AAK1: variants seen among roughly 807,000 people sequenced by gnomAD.
The protein encoded by AAK1 is AP2-associated protein kinase 1.
Under a neutral mutation model 116.0 loss-of-function variants are expected in AAK1, and 37 were observed. The ratio of observed to expected loss-of-function variants is 0.32; its 90% confidence interval spans 0.25 to 0.42. The LOEUF is 0.42. Ranked by LOEUF, AAK1 falls within the 10% of genes least tolerant of loss-of-function variation. The pLI is 1.00. For missense variants in AAK1, 919 were observed against 1,170.6 expected (o/e 0.79, Z 3.14); for synonymous variants, 458 against 439.9 (o/e 1.04, Z -0.51).
chr2:69,472,334 G>A lies in AAK1; in HGVS notation c.*3535C>T, dbSNP rs538641413. 59 of 263,818 alleles carry A rather than the reference G, an allele frequency of 2.2e-4. No homozygotes were observed. Among genetic ancestry groups the A allele is most frequent in the African/African-American group, 1.3e-3 (56 of 43,622 alleles). 16.3% of individuals were successfully genotyped at this position (263,818 alleles called of 1,614,324 possible). ...AGACAAAGAAAGAATATACTTCCAG[G>A]TGCTTTCTCAAAGTGATACTAATTA... On this transcript the variant is annotated 3_prime_UTR_variant, in exon 22 of 22. Coordinates refer to ENST00000409085, the MANE Select transcript of AAK1 (RefSeq NM_014911.5).
chr2:69,541,720 T>C (rs1212548019), intron 5 of AAK1, among the ~76,000 whole-genome samples: 1 of 152,132 alleles, frequency 6.6e-6, no homozygotes, highest in African/African-American at 2.4e-5. Flanking sequence ...ACTACCAAAA[T>C]TTTGGCCCAA....
At chr2:69,548,149 T>G (rs1671005570) in intron 3 of AAK1, among the ~76,000 whole-genome samples, 1 of 152,160 alleles carries the variant, frequency 6.6e-6, no homozygotes, top group African/African-American at 2.4e-5. Flanking sequence ...GAAAAAAGTG[T>G]TCTAAAATTA....
chr2:69,564,845 C>A (rs1671796884), intron 2 of AAK1, among the ~76,000 whole-genome samples: 1 of 152,146 alleles, frequency 6.6e-6, no homozygotes, highest in African/African-American at 2.4e-5. Flanking sequence ...ATCCTCCCCA[C>A]CCCCACTCCT....
At chr2:69,560,555 A>G (rs1671591668) in intron 2 of AAK1, among the ~76,000 whole-genome samples, 1 of 148,504 alleles carries the variant, frequency 6.7e-6, no homozygotes, top group Non-Finnish European at 1.5e-5. Context: ...TCATAAAGAT[A>G]AAAAGGATAT....
chr2:69,506,118 G>A (rs1181470739), intron 15 of AAK1, among the ~76,000 whole-genome samples: 1 of 152,198 alleles, frequency 6.6e-6, no homozygotes, highest in African/African-American at 2.4e-5. Flanking sequence ...GAGACGTTAT[G>A]AGGGACAAGC....
chr2:69,545,160 T>C (rs971344076), intron 3 of AAK1, among the ~76,000 whole-genome samples: 4 of 152,306 alleles, frequency 2.6e-5, no homozygotes, highest in Middle Eastern at 3.4e-3. Context: ...AGCTCTTCAG[T>C]TGGAACTGCA....
At position 69,475,524 on chromosome 2, in the gene AAK1, G is replaced by T; in HGVS notation, c.*345C>A. 1 of 1,051,732 alleles carries T rather than the reference G, an allele frequency of 9.5e-7. No individual in the cohort carries two copies. Among genetic ancestry groups the T allele is most frequent in the Non-Finnish European group, 1.1e-6 (1 of 871,100 alleles). The allele number at this position is 1,051,732 out of a possible 1,614,324, so 65.1% of individuals were successfully genotyped here. A position where few individuals can be genotyped will look rare whatever the true frequency, so the allele number is the denominator to read the frequency against. On this transcript the variant is annotated 3_prime_UTR_variant, in exon 22 of 22. Transcript: ENST00000409085. The stretch of plus-strand genomic sequence containing the variant: ...TTCCTAGCAAGAACGAGACAAAAGT[G>T]TCAATTCACTAGTTTCAGTTACAGT...
chr2:69,527,281 T>C lies in AAK1; in HGVS notation c.910A>G (p.Ile304Val), dbSNP rs1670065952. The change falls in exon 9 of 22, where the codon ATT (isoleucine) becomes GTT (valine). Residue 304 changes from isoleucine to valine, a missense_variant. By Grantham distance (29) the Ile-to-Val change is conservative. Transcript: ENST00000409085. ...AATGAGAAGTAGGACACCTGGTAAATATCCGGCCTTTTGTCAGGGTCTGGT... is the reference window on the plus strand; with the variant it reads ...AATGAGAAGTAGGACACCTGGTAAACATCCGGCCTTTTGTCAGGGTCTGGT... ...LEPDPDKRPD[I>V]YQVSYFSFKL... is the part of the protein sequence containing the mutation. 2.5e-6 allele frequency: 4 copies of C among 1,609,544 alleles called. No individual in the cohort carries two copies. The East Asian group carries it at 6.7e-5, about 27-fold the overall frequency.
intron 2 of AAK1, among the ~76,000 whole-genome samples, chr2:69,621,461 G>A (rs62136611): frequency 0.024 from 3,684 of 151,350 alleles, 78 homozygotes; most frequent in Non-Finnish European, 0.039. Context: ...CAGCCTGGGC[G>A]ACAGAGCAAA....
intron 2 of AAK1, among the ~76,000 whole-genome samples, chr2:69,619,847 T>C (rs1674511164): frequency 6.6e-6 from 1 of 152,126 alleles, no homozygotes; most frequent in African/African-American, 2.4e-5. Context: ...GAAGCCAGTA[T>C]GGATAGAGAG....
chr2:69,467,047 G>C lies in AAK1; in HGVS notation c.*8822C>G. The C allele has an allele frequency of 1.0e-6, 1 of 985,420 alleles. No homozygotes were observed. The highest frequency in any genetic ancestry group is 1.2e-6 in the Non-Finnish European group (1 of 829,926). The allele number at this position is 985,420 out of a possible 1,614,324, so 61.0% of individuals were successfully genotyped here. A position where few individuals can be genotyped will look rare whatever the true frequency, so the allele number is the denominator to read the frequency against. ...GAAAAGAAGCAGAATGTGGCTGCTT[G>C]ATAAATGCAAGTTTACTTGATGACT... On this transcript the variant is annotated 3_prime_UTR_variant, in exon 22 of 22. Coordinates refer to ENST00000409085, the MANE Select transcript of AAK1 (RefSeq NM_014911.5).
chr2:69,518,513 G>A (rs1178907584), intron 12 of AAK1, among the ~76,000 whole-genome samples: 1 of 151,454 alleles, frequency 6.6e-6, no homozygotes, highest in African/African-American at 2.4e-5. Flanking sequence ...CTGCCTCCTG[G>A]GTTCAAGCGA....
At chr2:69,625,412 C>T (rs1157955394) in intron 2 of AAK1, among the ~76,000 whole-genome samples, 2 of 152,154 alleles carry the variant, frequency 1.3e-5, no homozygotes, top group African/African-American at 2.4e-5. Context: ...CTGTCTCATC[C>T]GTATCAAGCA....
rs915092122 is a variant in AAK1 at position 69,584,000 on chromosome 2, A to G, written c.164-27022T>C. The stretch of plus-strand genomic sequence containing the variant: ...TTCTGATAGCCAGCTTCACCTGACC[A>G]CCCTTCCCTAATAAGGAACCTCTTT... On this transcript the variant is annotated intron_variant, in intron 2 of 21. Transcript: ENST00000409085. Among the ~76,000 whole-genome samples the G allele has an allele frequency of 4.6e-5, 7 of 152,112 alleles. No homozygotes were observed. In the East Asian group the frequency reaches 1.3e-3, roughly 29 times the overall value.
chr2:69,483,054 G>T (rs531348177), intron 17 of AAK1, among the ~76,000 whole-genome samples: 1 of 152,206 alleles, frequency 6.6e-6, no homozygotes, highest in East Asian at 1.9e-4. Flanking sequence ...TGTCCTGGGT[G>T]CGTCTGCTTG....
At chr2:69,585,559 A>G (rs1185212172) in intron 2 of AAK1, among the ~76,000 whole-genome samples, 1 of 152,152 alleles carries the variant, frequency 6.6e-6, no homozygotes, top group East Asian at 1.9e-4. Flanking sequence ...TCAGACTCCA[A>G]TACCTAACGC....
intron 16 of AAK1, among the ~76,000 whole-genome samples, chr2:69,499,211 C>A (rs1558912274): frequency 6.6e-6 from 1 of 152,184 alleles, no homozygotes; most frequent in Non-Finnish European, 1.5e-5. Context: ...ACACTACTAA[C>A]CCCACTGTTC....
intron 2 of AAK1, chr2:69,598,411 G>A (rs1416986539): frequency 6.8e-6 from 2 of 296,092 alleles, no homozygotes; most frequent in Non-Finnish European, 6.6e-6. Flanking sequence ...TATAAATGAT[G>A]AGTCATGTAA....
chr2:69,553,437 GTTTTTTTTTTTTTTTT>G (rs70954350), intron 3 of AAK1, among the ~76,000 whole-genome samples: 3 of 79,598 alleles, frequency 3.8e-5, no homozygotes, highest in African/African-American at 1.6e-4. Context: ...ATTGAAAGTT[GTTTTTTTTTTTTTTTT>G]TTTTTTTTTG....
Sources: gnomAD v4.1 joint callset for allele counts (sites outside exome capture counted in the v4.1 genomes callset) on GRCh38, gnomAD v4.1.1 for gene constraint, MANE v1.5 for transcripts, NCBI Gene and HGNC (gene_info 2026-07-23, HGNC 2026-07-21) for gene names.